The following BFSP2 variants were observed in gnomAD, a reference collection of about 807,000 sequenced individuals.
The protein encoded by BFSP2 is phakinin.
In BFSP2, 38 loss-of-function variants were observed where a neutral mutation model predicts 44.9. The ratio of observed to expected loss-of-function variants is 0.85; its 90% confidence interval spans 0.65 to 1.11. BFSP2 has a LOEUF of 1.11. Ranked by LOEUF, BFSP2 falls within the 50% of genes least tolerant of loss-of-function variation. The probability of loss-of-function intolerance (pLI) is 0.00; values close to 1 mark genes in which losing one functional copy is unlikely to be tolerated. For missense variants in BFSP2, 525 were observed against 533.0 expected, an observed-to-expected ratio of 0.99 and a Z score of 0.15; for synonymous variants, 197 against 209.9, an observed-to-expected ratio of 0.94 and a Z score of 0.53.
chr3:133,421,710 C>A (rs1260730251), intron 1 of BFSP2, among the ~76,000 whole-genome samples: 2 of 152,232 alleles, frequency 1.3e-5, no homozygotes, highest in African/African-American at 4.8e-5. Context: ...TGATTCCCAA[C>A]ATTTTGTCCT....
intron 4 of BFSP2, among the ~76,000 whole-genome samples, chr3:133,462,469 C>G (rs2074073088): frequency 6.6e-6 from 1 of 152,192 alleles, no homozygotes. Context: ...GTGGCTATAG[C>G]CTTGGCCAGC....
chr3:133,448,532 A>C lies in BFSP2; in HGVS notation c.616A>C (p.Ile206Leu). The change falls in exon 3 of 7, where the codon ATT becomes CTT. Residue 206 changes from isoleucine (I) to leucine (L), a missense_variant. Physicochemically the swap from Ile to Leu is conservative, Grantham distance 5. Coordinates refer to ENST00000302334, the MANE Select transcript of BFSP2 (RefSeq NM_003571.4). ...ATTTCGAAAGGCGGCAGAAGAGGAAATTAACTCTCTGTATAAAGTCATTGA... is the reference window on the plus strand; with the variant it reads ...ATTTCGAAAGGCGGCAGAAGAGGAACTTAACTCTCTGTATAAAGTCATTGA... ...QPFRKAAEEE[I>L]NSLYKVIDEA... 1 of 1,614,126 alleles carries C rather than the reference A, an allele frequency of 6.2e-7. No individual in the cohort carries two copies.
chr3:133,452,825 C>T lies in BFSP2; in HGVS notation c.891+2361C>T, dbSNP rs568590563. Among the ~76,000 whole-genome samples, 10 of 152,210 alleles carry T rather than the reference C, an allele frequency of 6.6e-5. No homozygotes were observed. The East Asian group carries it at 1.9e-3, about 29-fold the overall frequency. ...TCTGTCCCAGCCCTCCTGCGGTGTGCACCACACTGTGGTAACTGTTTCTTT... is the reference window on the plus strand; with the variant it reads ...TCTGTCCCAGCCCTCCTGCGGTGTGTACCACACTGTGGTAACTGTTTCTTT... On this transcript the variant is annotated intron_variant, in intron 4 of 6. Transcript: ENST00000302334.
intron 4 of BFSP2, among the ~76,000 whole-genome samples, chr3:133,459,046 A>T (rs2074038547): frequency 1.3e-5 from 2 of 152,206 alleles, no homozygotes; most frequent in Non-Finnish European, 2.9e-5. Flanking sequence ...TCCCATAAAA[A>T]GTGTAAGGAC....
At chr3:133,424,989 G>A (rs766038761) in intron 1 of BFSP2, among the ~76,000 whole-genome samples, 11 of 152,174 alleles carry the variant, frequency 7.2e-5, no homozygotes, top group Non-Finnish European at 1.6e-4. Flanking sequence ...AAAAGGCTTT[G>A]TTAGTGTCAC....
At chr3:133,444,072 G>C (rs1043474097) in intron 1 of BFSP2, among the ~76,000 whole-genome samples, 1 of 151,122 alleles carries the variant, frequency 6.6e-6, no homozygotes, top group Non-Finnish European at 1.5e-5. Flanking sequence ...AGATGACTAT[G>C]GACAGGAAAA....
intron 4 of BFSP2, among the ~76,000 whole-genome samples, chr3:133,465,655 T>C (rs900292066): frequency 3.9e-5 from 6 of 152,210 alleles, no homozygotes; most frequent in African/African-American, 1.4e-4. Context: ...CACATGGTTT[T>C]CACAAGGAAA....
chr3:133,474,807 C>G (rs570331729), intron 6 of BFSP2, among the ~76,000 whole-genome samples, 162 bp from the exon 7 acceptor site: 44 of 152,320 alleles, frequency 2.9e-4, no homozygotes, highest in African/African-American at 1.0e-3. Context: ...GGCCCAAGGT[C>G]TCACAGCAAA....
rs759028218 is a variant in BFSP2, at chr3:133,450,372, G to T, written c.799G>T (p.Gly267Cys). The stretch of plus-strand genomic sequence containing the variant: ...ACAAATGGATGCTCCCATTGGCACT[G>T]GTCTGGACGACATCCTTGAGACGAT... ...LEQMDAPIGT[G>C]LDDILETIRI... The change falls in exon 4 of 7, where the codon GGT (glycine) becomes TGT (cysteine). Residue 267 changes from glycine to cysteine, a missense_variant. Gly to Cys is a radical substitution (Grantham distance 159). Coordinates refer to ENST00000302334, the MANE Select transcript of BFSP2 (RefSeq NM_003571.4). 1 of 1,614,066 alleles carries T rather than the reference G, an allele frequency of 6.2e-7. No individual in the cohort carries two copies. The highest frequency in any genetic ancestry group is 1.3e-5 in the African/African-American group (1 of 74,926).
intron 1 of BFSP2, among the ~76,000 whole-genome samples, chr3:133,406,116 A>ATTTTT (rs11398329): frequency 1.4e-5 from 2 of 144,208 alleles, no homozygotes; most frequent in Non-Finnish European, 3.0e-5. Flanking sequence ...ATATCCAGCT[A>ATTTTT]TTTTTTTTTT....
chr3:133,450,549 A>G, intron 4 of BFSP2, 85 bp downstream of exon 4: 2 of 1,493,728 alleles, frequency 1.3e-6, no homozygotes, highest in Non-Finnish European at 1.9e-6. Context: ...GTGCAGACGA[A>G]GAAATAACAA....
chr3:133,429,184 A>C (rs1047467947), intron 1 of BFSP2: 2 of 152,114 alleles, frequency 1.3e-5, no homozygotes, highest in African/African-American at 4.8e-5. Context: ...CATATGTATA[A>C]AACCTTTCCT....
chr3:133,420,385 A>C (rs986424812), intron 1 of BFSP2, among the ~76,000 whole-genome samples: 1 of 152,190 alleles, frequency 6.6e-6, no homozygotes, highest in African/African-American at 2.4e-5. Flanking sequence ...GTTAGTAAAG[A>C]AGCAGCAGTC....
intron 1 of BFSP2, among the ~76,000 whole-genome samples, chr3:133,436,386 GA>G (rs2073782073): frequency 6.7e-6 from 1 of 148,350 alleles, no homozygotes; most frequent in Admixed American, 6.7e-5. Context: ...TTTTTTCCAT[GA>G]ATTTATTGAA....
At chr3:133,469,973 A>T (rs1205572809) in intron 5 of BFSP2, among the ~76,000 whole-genome samples, 2 of 152,222 alleles carry the variant, frequency 1.3e-5, no homozygotes, top group Non-Finnish European at 2.9e-5. Flanking sequence ...CAAATCACAG[A>T]TGTTACAAAT....
chr3:133,403,496 G>A (rs935127367), intron 1 of BFSP2, among the ~76,000 whole-genome samples: 2 of 152,012 alleles, frequency 1.3e-5, no homozygotes, highest in Non-Finnish European at 2.9e-5. Flanking sequence ...GGCACCTAGA[G>A]AGAAATTCGA....
At chr3:133,454,286 T>G (rs910855637) in intron 4 of BFSP2, among the ~76,000 whole-genome samples, 3 of 152,178 alleles carry the variant, frequency 2.0e-5, no homozygotes, top group Non-Finnish European at 4.4e-5. Flanking sequence ...TGCCTATGGA[T>G]AGCCACTCTA....
intron 1 of BFSP2, among the ~76,000 whole-genome samples, chr3:133,437,005 TTG>T (rs2073791815): frequency 6.6e-6 from 1 of 152,242 alleles, no homozygotes; most frequent in African/African-American, 2.4e-5. Context: ...CAGTCTATCA[TTG>T]TTGGACATTT....
intron 4 of BFSP2, among the ~76,000 whole-genome samples, chr3:133,456,441 G>A (rs1303242641): frequency 6.6e-6 from 1 of 152,170 alleles, no homozygotes; most frequent in Non-Finnish European, 1.5e-5. Flanking sequence ...AATCCGGTAT[G>A]GTAGCTACTG....
Sources: gnomAD v4.1 joint callset for allele counts (sites outside exome capture counted in the v4.1 genomes callset) on GRCh38, gnomAD v4.1.1 for gene constraint, MANE v1.5 for transcripts, NCBI Gene and HGNC (gene_info 2026-07-23, HGNC 2026-07-21) for gene names.